Variants in DNM1 observed in about 807,000 individuals in gnomAD.
DNM1 encodes the protein dynamin 1, also known as dynamin-1.
In DNM1, 29 loss-of-function variants were observed where a neutral mutation model predicts 104.6. The observed-to-expected ratio is 0.28, with a 90% CI of 0.21 to 0.38. The LOEUF is 0.38. DNM1 is among the 10% of genes least tolerant of loss of function. DNM1 has a pLI of 1.00. For missense variants in DNM1, 640 were observed against 1,189.4 expected (o/e 0.54, Z 6.79); for synonymous variants, 445 against 475.8 (o/e 0.94, Z 0.84).
At position 128,222,681 on chromosome 9, in the gene DNM1, C is replaced by G. The variant is rs896041893; in HGVS notation, c.1128+85C>G. ...CTCTCTCTGCGTGTGTTTTTGCTGG[C>G]CCCCACCCCACAGGCCCTGATGCCC... is the stretch of plus-strand genomic sequence containing the variant. On this transcript the variant is annotated intron_variant, in intron 8 of 21. Transcript: ENST00000372923. This position sits in a 1 kb window ranked among gnomAD's most constrained non-coding sequence, Gnocchi z 7.8. 1.3e-6 allele frequency: 2 copies of G among 1,598,764 alleles called. No individual in the cohort carries two copies. Among genetic ancestry groups the G allele is most frequent in the African/African-American group, 2.7e-5 (2 of 74,602 alleles).
intron 10 of DNM1, among the ~76,000 whole-genome samples, chr9:128,231,429 G>A (rs1012690356): frequency 3.9e-5 from 6 of 151,974 alleles, no homozygotes; most frequent in Admixed American, 1.3e-4. Flanking sequence ...TCGAACTCCC[G>A]ACCTCAGGTG....
chr9:128,244,755 G>T, intron 15 of DNM1: 1 of 534,308 alleles, frequency 1.9e-6, no homozygotes. Flanking sequence ...TAACCAATGT[G>T]CAGACTACTG....
At chr9:128,210,868 G>A (rs1367915634) in intron 1 of DNM1, among the ~76,000 whole-genome samples, 1 of 151,734 alleles carries the variant, frequency 6.6e-6, no homozygotes, top group Non-Finnish European at 1.5e-5. Flanking sequence ...CTTCCTGGGC[G>A]ACTCTCTGGC....
intron 15 of DNM1, among the ~76,000 whole-genome samples, chr9:128,246,065 C>A (rs2131282088): frequency 6.6e-6 from 1 of 152,324 alleles, no homozygotes; most frequent in Non-Finnish European, 1.5e-5. Flanking sequence ...GTGAGAGAGG[C>A]CTGAGTGTGC....
intron 19 of DNM1, 62 bp from the exon 20 acceptor site, chr9:128,250,053 G>A: frequency 1.2e-6 from 2 of 1,612,128 alleles, no homozygotes; most frequent in South Asian, 1.1e-5. Context: ...AGGGCCCGGT[G>A]GGGCGGCCAG....
chr9:128,250,604 G>A (rs1829455968), intron 20 of DNM1, 121 bp from the exon 21 acceptor site: 2 of 1,035,860 alleles, frequency 1.9e-6, no homozygotes, highest in African/African-American at 3.4e-5. Flanking sequence ...CCGCCTTAGG[G>A]GTGCGGCAGG....
At chr9:128,242,738 C>T (rs974407208) in intron 15 of DNM1, among the ~76,000 whole-genome samples, 1 of 152,052 alleles carries the variant, frequency 6.6e-6, no homozygotes, top group Admixed American at 6.5e-5. Flanking sequence ...CCAGCCTGGG[C>T]AACAGAGTGA....
At chr9:128,242,067 A>G (rs1038142885) in intron 14 of DNM1, among the ~76,000 whole-genome samples, 165 bp from the exon 15 acceptor site, 6 of 151,970 alleles carry the variant, frequency 3.9e-5, no homozygotes, top group Non-Finnish European at 8.8e-5. Flanking sequence ...CACTCTGTTC[A>G]CTTGTGGTTC....
intron 1 of DNM1, among the ~76,000 whole-genome samples, chr9:128,215,662 G>C (rs945728550): frequency 5.9e-5 from 9 of 152,160 alleles, no homozygotes; most frequent in Non-Finnish European, 1.2e-4. Flanking sequence ...CCGCTATGTG[G>C]CACCTTGGAG....
At chr9:128,242,906 G>A (rs932891031) in intron 15 of DNM1, among the ~76,000 whole-genome samples, 10 of 151,892 alleles carry the variant, frequency 6.6e-5, no homozygotes, top group African/African-American at 2.2e-4. Context: ...GCGCCCTGGG[G>A]AGGGTGGGCA....
In DNM1 at chr9:128,222,949, C is replaced by T; in HGVS notation, c.1196+89C>T. 3.9e-6 allele frequency: 5 copies of T among 1,267,480 alleles called. No individual in the cohort carries two copies. The highest frequency in any genetic ancestry group is 5.7e-6 in the Non-Finnish European group (5 of 876,410). 78.5% of individuals were successfully genotyped at this position (1,267,480 alleles called of 1,614,324 possible). ...AGGGAGTGATGAAGTGGGCCTCCCT[C>T]AGGAAGGACTGAAAGCTCTGTTCCC... On this transcript the variant is annotated intron_variant, in intron 9 of 21. Coordinates refer to ENST00000372923, the MANE Select transcript of DNM1 (RefSeq NM_004408.4). The surrounding 1 kb of genome is among the most constrained non-coding windows in gnomAD (Gnocchi z 7.8).
Position 128,203,525 on chromosome 9 carries a change from G to T in DNM1, c.55G>T (p.Ala19Ser), listed in dbSNP as rs1131691398. Residue 19 changes from alanine to serine, a missense_variant, in exon 1 of 22, where the codon GCC becomes TCC. Ala to Ser is a moderately conservative substitution (Grantham distance 99). Around this residue, in one of 7 missense-constraint regions of DNM1, gnomAD observed 172 missense variants for 335.3 expected, o/e 0.51. Coordinates refer to ENST00000372923, the MANE Select transcript of DNM1 (RefSeq NM_004408.4). This position sits in a 1 kb window ranked among gnomAD's most constrained non-coding sequence, Gnocchi z 5.3. ...LIPLVNRLQD[A>S]FSAIGQNADL... The stretch of plus-strand genomic sequence containing the variant: ...CCCGCTGGTCAACCGGCTGCAAGAC[G>T]CCTTCTCTGCCATCGGCCAGAACGC... 1 of 1,541,952 alleles carries T rather than the reference G, an allele frequency of 6.5e-7. No homozygotes were observed. The highest frequency in any genetic ancestry group is 1.2e-5 in the South Asian group (1 of 83,774).
chr9:128,220,738 CGCGCGT>C lies in DNM1; in HGVS notation c.849+399_849+404del, dbSNP rs765957891. 1.1e-4 allele frequency among the ~76,000 whole-genome samples: 11 copies of C among 96,414 alleles called. No homozygotes were observed. The highest frequency in any genetic ancestry group is 3.8e-4 in the South Asian group (1 of 2,636). The allele number at this position is 96,414 out of a possible 152,430, so 63.3% of individuals were successfully genotyped here. A position where few individuals can be genotyped will look rare whatever the true frequency, so the allele number is the denominator to read the frequency against. ...CATCCAGAACTGAAGTGCGCGCGCGCGCGCGTGTGTGTGTGTGTGTGTGTGTGTGTC... is the reference window on the plus strand; with the variant it reads ...CATCCAGAACTGAAGTGCGCGCGCGCGTGTGTGTGTGTGTGTGTGTGTGTC... On this transcript the variant is annotated intron_variant, in intron 6 of 21. Coordinates refer to ENST00000372923, the MANE Select transcript of DNM1 (RefSeq NM_004408.4). The surrounding 1 kb of genome is among the most constrained non-coding windows in gnomAD (Gnocchi z 5.2).
chr9:128,253,347 A>C lies in DNM1; in HGVS notation c.2535-1307A>C. The C allele has an allele frequency of 1.7e-6, 1 of 590,176 alleles. No individual in the cohort carries two copies. 36.6% of individuals were successfully genotyped at this position (590,176 alleles called of 1,614,324 possible). ...GCCTCGGGACTCAGTGCCACTGCCC[A>C]AGGCCTCCATGGCTGAGCCTGGAGG... On this transcript the variant is annotated intron_variant, in intron 21 of 21. Coordinates refer to ENST00000372923, the MANE Select transcript of DNM1 (RefSeq NM_004408.4). The surrounding 1 kb of genome is among the most constrained non-coding windows in gnomAD (Gnocchi z 5.9).
At chr9:128,244,788 G>A (rs1052574238) in intron 15 of DNM1, 9 of 534,250 alleles carry the variant, frequency 1.7e-5, no homozygotes, top group Non-Finnish European at 3.5e-5. Context: ...GTCCTGAACA[G>A]ATAGTCTAAA....
Position 128,240,050 on chromosome 9 carries a change from A to G in DNM1, c.1557+54A>G. 1.2e-6 allele frequency: 2 copies of G among 1,606,766 alleles called. No individual in the cohort carries two copies. Among genetic ancestry groups the G allele is most frequent in the South Asian group, 2.2e-5 (2 of 90,934 alleles). ...TGTGTAGTGAGGGGGCGGAGGGTCCATCGGCAGTGGGGATCTGCAACGGGT... is the reference window on the plus strand; with the variant it reads ...TGTGTAGTGAGGGGGCGGAGGGTCCGTCGGCAGTGGGGATCTGCAACGGGT... On this transcript the variant is annotated intron_variant, in intron 14 of 21. Transcript: ENST00000372923. The surrounding 1 kb of genome is among the most constrained non-coding windows in gnomAD (Gnocchi z 5.1).
chr9:128,229,908 G>A (rs55879611), intron 10 of DNM1, among the ~76,000 whole-genome samples: 66,196 of 150,218 alleles, frequency 0.44, 17,121 homozygotes, highest in Admixed American at 0.61. Flanking sequence ...GCGAGACTCC[G>A]TCTCAAAGGA....
At chr9:128,233,310 C>T (rs1292021820) in intron 10 of DNM1, among the ~76,000 whole-genome samples, 1 of 152,202 alleles carries the variant, frequency 6.6e-6, no homozygotes, top group Admixed American at 6.5e-5. Flanking sequence ...GGAGACAGAG[C>T]TGAATGGATT....
intron 15 of DNM1, among the ~76,000 whole-genome samples, chr9:128,242,754 C>T (rs1055048288): frequency 6.6e-6 from 1 of 151,806 alleles, no homozygotes; most frequent in Non-Finnish European, 1.5e-5. Flanking sequence ...AGTGAGACTC[C>T]ATCTCAAAAA....
Sources: allele counts gnomAD v4.1 joint callset (sites outside exome capture counted in the v4.1 genomes callset), GRCh38; gene constraint gnomAD v4.1.1; regional missense constraint gnomAD v4.1.1; non-coding constraint Gnocchi (gnomAD v3.1); transcripts MANE v1.5; gene names NCBI Gene and HGNC (gene_info 2026-07-23, HGNC 2026-07-21).